Variants in AOAH observed in about 807,000 individuals in gnomAD.
AOAH encodes acyloxyacyl hydrolase (neutrophil).
In AOAH, 64 loss-of-function variants were observed where a neutral mutation model predicts 92.2. The observed-to-expected ratio is 0.69, with a 90% CI of 0.57 to 0.86. The LOEUF is 0.86. Ranked by LOEUF, AOAH falls within the 40% of genes least tolerant of loss-of-function variation. AOAH has a pLI of 0.00. For missense variants in AOAH, 656 were observed against 694.6 expected (o/e 0.94, Z 0.62); for synonymous variants, 263 against 254.5 (o/e 1.03, Z -0.32).
rs1405127662 is a variant in AOAH at position 36,524,822 on chromosome 7, C to T, written c.1523-2707G>A. ...AAGGGGACCCTCACCAGAACCTGAC[C>T]ATGCTGGCATCCTGATTTTAAACTT... On this transcript the variant is annotated intron_variant, in intron 19 of 20. Coordinates refer to ENST00000617537, the MANE Select transcript of AOAH (RefSeq NM_001637.4). 2.6e-5 allele frequency among the ~76,000 whole-genome samples: 4 copies of T among 152,012 alleles called. No individual in the cohort carries two copies. The East Asian group carries it at 7.7e-4, about 29-fold the overall frequency.
At chr7:36,589,698 C>A (rs776534180) in intron 12 of AOAH, among the ~76,000 whole-genome samples, 3 of 152,186 alleles carry the variant, frequency 2.0e-5, no homozygotes, top group Non-Finnish European at 4.4e-5. Flanking sequence ...ACAGAATGAG[C>A]ACCCTTATAA....
chr7:36,690,744 C>A (rs1270469105), intron 1 of AOAH, among the ~76,000 whole-genome samples: 1 of 152,178 alleles, frequency 6.6e-6, no homozygotes, highest in East Asian at 1.9e-4. Flanking sequence ...TATGGAAAAT[C>A]TCTTCTCACC....
intron 7 of AOAH, 25 bp downstream of exon 7, chr7:36,623,165 T>C (rs773457204): frequency 1.9e-6 from 3 of 1,595,882 alleles, no homozygotes; most frequent in South Asian, 1.1e-5. Flanking sequence ...TTAGTGAACA[T>C]CTGGTTATTC....
intron 13 of AOAH, among the ~76,000 whole-genome samples, chr7:36,570,476 C>T (rs1788062454): frequency 6.6e-6 from 1 of 152,216 alleles, no homozygotes; most frequent in South Asian, 2.1e-4. Flanking sequence ...CAGGAGTGCA[C>T]ATATCTCTTT....
At chr7:36,625,841 C>T (rs1792626492) in intron 6 of AOAH, among the ~76,000 whole-genome samples, 1 of 152,206 alleles carries the variant, frequency 6.6e-6, no homozygotes, top group Non-Finnish European at 1.5e-5. Flanking sequence ...GAAGCTAGGG[C>T]AAGATCATCC....
chr7:36,513,726 C>T (rs1790176873), intron 20 of AOAH, among the ~76,000 whole-genome samples: 1 of 152,204 alleles, frequency 6.6e-6, no homozygotes, highest in African/African-American at 2.4e-5. Context: ...GTCCTGCAGT[C>T]TCAACGGGAA....
chr7:36,682,566 CAT>C (rs1015996180), intron 2 of AOAH, among the ~76,000 whole-genome samples: 37 of 151,632 alleles, frequency 2.4e-4, no homozygotes, highest in African/African-American at 8.2e-4. Flanking sequence ...TATTTCTAAA[CAT>C]ATTATTTTAA....
Position 36,583,462 on chromosome 7 carries a change from G to A in AOAH, c.939-6806C>T, listed in dbSNP as rs549167026. Among the ~76,000 whole-genome samples, 54 of 152,250 alleles carry A rather than the reference G, an allele frequency of 3.5e-4. 1 individual carries two copies. In the South Asian group the frequency reaches 7.5e-3, roughly 21 times the overall value. On this transcript the variant is annotated intron_variant, in intron 12 of 20. Transcript: ENST00000617537. ...CCTTTGATATTAGCCACATCCCAGA[G>A]TTCTGTGTAACCCCTAACTCACTAC...
chr7:36,685,380 G>A (rs190258931), intron 2 of AOAH, among the ~76,000 whole-genome samples: 1 of 152,268 alleles, frequency 6.6e-6, no homozygotes, highest in Admixed American at 6.5e-5. Context: ...GCAGGGGGAG[G>A]ATGGGATGGA....
intron 15 of AOAH, among the ~76,000 whole-genome samples, chr7:36,546,287 T>C (rs1785795340): frequency 6.6e-6 from 1 of 152,238 alleles, no homozygotes; most frequent in East Asian, 1.9e-4. Context: ...CAGGACAAAC[T>C]TAATTATGTA....
chr7:36,675,818 G>A (rs1322563878), intron 2 of AOAH, among the ~76,000 whole-genome samples: 2 of 152,080 alleles, frequency 1.3e-5, no homozygotes, highest in African/African-American at 4.8e-5. Context: ...TCCCAGGAAT[G>A]CAAAATTGGG....
At chr7:36,673,845 G>A (rs1796077259) in intron 3 of AOAH, 98 bp downstream of exon 3, 2 of 779,224 alleles carry the variant, frequency 2.6e-6, no homozygotes, top group East Asian at 2.7e-5. Context: ...TGTCCAGAAA[G>A]CGCATCATGC....
intron 12 of AOAH, among the ~76,000 whole-genome samples, chr7:36,593,078 C>T (rs1243713490): frequency 6.6e-6 from 1 of 152,202 alleles, no homozygotes; most frequent in Admixed American, 6.5e-5. Flanking sequence ...CTGTTGATCA[C>T]TTCCATGAAC....
Position 36,571,828 on chromosome 7 carries a change from T to C in AOAH, c.1021+4746A>G, listed in dbSNP as rs531969757. ...CACAGGCCTTATTATTATTAACATA[T>C]AGCTTTTGAATTTATTTTTATTTTT... On this transcript the variant is annotated intron_variant, in intron 13 of 20. Transcript: ENST00000617537. Among the ~76,000 whole-genome samples the C allele has an allele frequency of 5.9e-5, 9 of 152,300 alleles. No homozygotes were observed. The South Asian group carries it at 1.5e-3, about 25-fold the overall frequency.
At chr7:36,675,852 G>A (rs892013456) in intron 2 of AOAH, among the ~76,000 whole-genome samples, 1 of 152,030 alleles carries the variant, frequency 6.6e-6, no homozygotes, top group Non-Finnish European at 1.5e-5. Context: ...ATCAGTTAAT[G>A]TATTACTCCC....
intron 3 of AOAH, among the ~76,000 whole-genome samples, chr7:36,659,485 T>C (rs958719678): frequency 1.3e-5 from 2 of 152,278 alleles, no homozygotes; most frequent in Middle Eastern, 6.8e-3. Context: ...AAGGCGAGGA[T>C]GGGGCATGCA....
intron 1 of AOAH, among the ~76,000 whole-genome samples, chr7:36,715,331 A>C (rs889008214): frequency 1.4e-4 from 21 of 152,230 alleles, no homozygotes; most frequent in Non-Finnish European, 2.6e-4. Context: ...AAGAGGATAC[A>C]AACAAATGGA....
chr7:36,683,857 G>A (rs770776668), intron 2 of AOAH, among the ~76,000 whole-genome samples: 3 of 152,084 alleles, frequency 2.0e-5, no homozygotes, highest in Non-Finnish European at 4.4e-5. Flanking sequence ...AGCCGGGTGC[G>A]GTGGTGGGCT....
chr7:36,513,100 G>A lies in AOAH; in HGVS notation c.*152C>T, dbSNP rs770340550. 20 of 1,592,904 alleles carry A rather than the reference G, an allele frequency of 1.3e-5. No homozygotes were observed. The highest frequency in any genetic ancestry group is 1.7e-5 in the Non-Finnish European group (20 of 1,174,810). On this transcript the variant is annotated 3_prime_UTR_variant, in exon 21 of 21. Transcript: ENST00000617537. ...CAGCATTGCACAGTCGTCCAGATAT[G>A]CTCTTCATTGAGAGAAAGACATTTT... is the stretch of plus-strand genomic sequence containing the variant.
Sources: allele counts gnomAD v4.1 joint callset (sites outside exome capture counted in the v4.1 genomes callset), GRCh38; gene constraint gnomAD v4.1.1; transcripts MANE v1.5; gene names NCBI Gene and HGNC (gene_info 2026-07-23, HGNC 2026-07-21).